Variants in AQP7B observed in about 807,000 individuals in gnomAD.
AQP7B encodes aquaporin 7B, also known as putative aquaporin-7B.
the AQP7B span, among the ~76,000 whole-genome samples, chr2:94,600,821 G>T: frequency 6.6e-6 from 1 of 151,752 alleles, no homozygotes; most frequent in African/African-American, 2.4e-5. Flanking sequence ...GGAGGTTGCG[G>T]TGAGCCGAGA....
chr2:94,594,131 C>G, the AQP7B span, among the ~76,000 whole-genome samples: 7 of 152,186 alleles, frequency 4.6e-5, no homozygotes, highest in Non-Finnish European at 8.8e-5. Context: ...TTCATTCACT[C>G]ACTCTCTCAC....
At chr2:94,596,011 G>T in the AQP7B span, among the ~76,000 whole-genome samples, 4 of 152,200 alleles carry the variant, frequency 2.6e-5, no homozygotes, top group African/African-American at 9.6e-5. Flanking sequence ...ATGAAGAGGG[G>T]CATGCAAAGG....
chr2:94,600,192 C>T, the AQP7B span, among the ~76,000 whole-genome samples: 2 of 152,116 alleles, frequency 1.3e-5, no homozygotes, highest in Non-Finnish European at 2.9e-5. Flanking sequence ...TTACCCTGTA[C>T]CCTCTCCTGG....
At chr2:94,595,477 G>C in the AQP7B span, among the ~76,000 whole-genome samples, 1 of 151,932 alleles carries the variant, frequency 6.6e-6, no homozygotes, top group Non-Finnish European at 1.5e-5. Flanking sequence ...AGATTGAAGA[G>C]AAACTTGATG....
At chr2:94,601,530 G>A in the AQP7B span, among the ~76,000 whole-genome samples, 1 of 152,206 alleles carries the variant, frequency 6.6e-6, no homozygotes, top group South Asian at 2.1e-4. Context: ...GGTTGCTGGA[G>A]CCCTTGGAGA....
At chr2:94,597,151 C>A in the AQP7B span, among the ~76,000 whole-genome samples, 2 of 152,152 alleles carry the variant, frequency 1.3e-5, no homozygotes, top group Non-Finnish European at 2.9e-5. Context: ...CTCCCCTACT[C>A]CTCTCTTACC....
chr2:94,595,952 G>A, the AQP7B span, among the ~76,000 whole-genome samples: 5 of 152,202 alleles, frequency 3.3e-5, no homozygotes, highest in African/African-American at 4.8e-5. Flanking sequence ...CTCTCTAGAA[G>A]GAGTGTACAG....
chr2:94,599,700 C>T, the AQP7B span, among the ~76,000 whole-genome samples: 2 of 152,076 alleles, frequency 1.3e-5, no homozygotes, highest in East Asian at 2.0e-4. Flanking sequence ...ATCTTCAGCC[C>T]GTCCCTCTCT....
the AQP7B span, chr2:94,594,686 T>C: frequency 2.5e-6 from 3 of 1,197,540 alleles, no homozygotes; most frequent in Non-Finnish European, 3.7e-6. Flanking sequence ...GAAGAGCCGA[T>C]GGGCAGCAGG....
the AQP7B span, among the ~76,000 whole-genome samples, chr2:94,589,209 A>G: frequency 1.3e-5 from 2 of 148,706 alleles, no homozygotes; most frequent in African/African-American, 5.0e-5. Context: ...GGGTTTCGCC[A>G]TGTTCGCCAG....
the AQP7B span, chr2:94,588,541 A>G: frequency 1.1e-6 from 1 of 885,846 alleles, no homozygotes; most frequent in African/African-American, 1.7e-5. Flanking sequence ...GCATCTGGGC[A>G]CAGGCGGTAA....
chr2:94,587,760 G>T, the AQP7B span, among the ~76,000 whole-genome samples: 1 of 152,140 alleles, frequency 6.6e-6, no homozygotes, highest in African/African-American at 2.4e-5. Flanking sequence ...GTGGACCACA[G>T]GGGGAGGCGT....
the AQP7B span, chr2:94,602,731 C>T: frequency 1.6e-5 from 18 of 1,120,886 alleles, no homozygotes; most frequent in Middle Eastern, 3.1e-4. Flanking sequence ...GCCTGGCCAC[C>T]GGGCAGGAGG....
the AQP7B span, among the ~76,000 whole-genome samples, chr2:94,596,418 G>A: frequency 1.3e-5 from 2 of 152,212 alleles, no homozygotes; most frequent in African/African-American, 4.8e-5. Context: ...AGGCAGCCAG[G>A]TGCATGGCTA....
chr2:94,602,642 T>C, the AQP7B span: 1 of 1,568,892 alleles, frequency 6.4e-7, no homozygotes, highest in Admixed American at 1.7e-5. Context: ...CCTACCAGAC[T>C]GGGCAAGACC....
At chr2:94,599,338 G>A in the AQP7B span, among the ~76,000 whole-genome samples, 1 of 151,956 alleles carries the variant, frequency 6.6e-6, no homozygotes, top group African/African-American at 2.4e-5. Flanking sequence ...CTTCTGTCCT[G>A]GGGCTTCTGA....
chr2:94,599,918 G>A, the AQP7B span, among the ~76,000 whole-genome samples: 432 of 148,388 alleles, frequency 2.9e-3, 2 homozygotes, highest in African/African-American at 1.0e-2. Flanking sequence ...TTGCTCTGTC[G>A]CCCAGGCTGG....
At chr2:94,587,588 G>A in the AQP7B span, among the ~76,000 whole-genome samples, 4 of 152,168 alleles carry the variant, frequency 2.6e-5, no homozygotes, top group African/African-American at 9.7e-5. Context: ...GTGTTGCTGT[G>A]TGACACAGGC....
chr2:94,594,974 T>C, the AQP7B span: 4 of 670,256 alleles, frequency 6.0e-6, no homozygotes, highest in African/African-American at 7.3e-5. Flanking sequence ...ATTCCTTGCC[T>C]CTGAGCTGGG....
Sources: gnomAD v4.1 joint callset for allele counts (sites outside exome capture counted in the v4.1 genomes callset) on GRCh38, gnomAD v4.1.1 for gene constraint, MANE v1.5 for transcripts, NCBI Gene and HGNC (gene_info 2026-07-23, HGNC 2026-07-21) for gene names.